RAB41: variants seen among roughly 807,000 people sequenced by gnomAD.
The protein encoded by RAB41 is ras-related protein Rab-41.
RAB41 carries 15 observed loss-of-function variants against 19.0 expected under a neutral mutation model. The ratio of observed to expected loss-of-function variants is 0.79; its 90% CI spans 0.53 to 1.21. The LOEUF is 1.21. Among genes scored for constraint, RAB41 ranks in the 50% most tolerant of loss-of-function variants. The probability of loss-of-function intolerance (pLI) is 0.00; values close to 1 mark genes in which losing one functional copy is unlikely to be tolerated. For missense variants in RAB41, 177 were observed against 179.7 expected (o/e 0.99, Z 0.09); for synonymous variants, 73 against 64.7 (o/e 1.13, Z -0.62).
chrX:70,283,758 G>C, intron 5 of RAB41, 134 bp downstream of exon 5: 1 of 548,754 alleles, frequency 1.8e-6, no homozygotes, highest in Non-Finnish European at 3.1e-6. Flanking sequence ...AGGATGGGAA[G>C]GACAGGGGGG....
chrX:70,282,464 G>A (rs2085692853), intron 1 of RAB41, 69 bp from the exon 2 acceptor site: 2 of 1,166,727 alleles, frequency 1.7e-6, no homozygotes, highest in Non-Finnish European at 2.3e-6. Context: ...GAGGAGGGAG[G>A]GCTCATAGAA....
intron 7 of RAB41, 106 bp from the exon 8 acceptor site, chrX:70,284,482 T>C (rs113130176): frequency 8.9e-5 from 84 of 940,944 alleles, no homozygotes; most frequent in Admixed American, 3.4e-4. Flanking sequence ...GTGAGAGGGA[T>C]TGTAAGATCA....
rs2147647011 is a variant in RAB41, at chrX:70,283,265, C to G, written c.238-3C>G. The G allele has an allele frequency of 4.2e-6, 5 of 1,200,777 alleles. No individual in the cohort carries two copies. In the South Asian group the frequency reaches 9.0e-5, roughly 22 times the overall value. ...CATCTTCTTCCTAAACATTTTTATG[C>G]AGGTTCAGCTGCAGCTATGGGACAC... On this transcript the variant is annotated splice_polypyrimidine_tract_variant and splice_region_variant and intron_variant, in intron 3 of 7. Transcript: ENST00000374473.
Position 70,284,630 on chromosome X carries a change from G to T in RAB41, c.656G>T (p.Arg219Ile). Reference protein sequence around the residue: ...ELESFEESGNRSYC With the variant: ...ELESFEESGNISYC The stretch of plus-strand genomic sequence containing the variant: ...GAATCCTTCGAGGAGTCAGGCAACA[G>T]AAGCTATTGTTGACAGCTTAGGCTT... Residue 219 changes from arginine (R) to isoleucine (I), a missense_variant, in exon 8 of 8, where the codon AGA becomes ATA. Arg to Ile is a moderately conservative substitution (Grantham distance 97). Transcript: ENST00000374473. The T allele has an allele frequency of 2.5e-6, 3 of 1,207,788 alleles. No individual in the cohort carries two copies. Among genetic ancestry groups the T allele is most frequent in the Non-Finnish European group, 3.4e-6 (3 of 891,832 alleles).
rs1281843833 is a variant in RAB41, at chrX:70,282,837, G to A, written c.219G>A (p.Met73Ile). 1.2e-5 allele frequency: 14 copies of A among 1,206,399 alleles called. No homozygotes were observed. The highest frequency in any genetic ancestry group is 1.7e-5 in the African/African-American group (1 of 57,150). Reference sequence around the variant, plus strand: ...GAATTGACTTCTTGTCTAAGACCATGTACTTGGAGGACCAAATAGTGAGTG... The same window carrying A: ...GAATTGACTTCTTGTCTAAGACCATATACTTGGAGGACCAAATAGTGAGTG... The part of the protein sequence containing the change: ...TVGIDFLSKT[M>I]YLEDQIVQLQ... Residue 73 changes from methionine to isoleucine, a missense_variant, in exon 3 of 8, where the codon ATG becomes ATA. Met to Ile is a conservative substitution (Grantham distance 10). Transcript: ENST00000374473.
At position 70,284,264 on chromosome X, in the gene RAB41, A is replaced by G; in HGVS notation, c.550-2A>G. On this transcript the variant is annotated splice_acceptor_variant, in intron 6 of 7. Transcript: ENST00000374473. LOFTEE classifies it high-confidence loss of function. ...TTGGTCCCCATTCACACACACACAC[A>G]GCTGTTCCGGCGTGTGGCTTCTGCC... 3 of 1,203,014 alleles carry G rather than the reference A, an allele frequency of 2.5e-6. No homozygotes were observed. Among genetic ancestry groups the G allele is most frequent in the Non-Finnish European group, 3.4e-6 (3 of 892,601 alleles).
chrX:70,282,756 T>C (rs748169247), intron 2 of RAB41, 46 bp from the exon 3 acceptor site: 2 of 1,181,726 alleles, frequency 1.7e-6, no homozygotes, highest in Admixed American at 2.2e-5. Flanking sequence ...CTGCCTCATA[T>C]TGGGAATAGA....
rs768445892 is a variant in RAB41 at position 70,283,462 on chromosome X, C to T, written c.344-51C>T. ...AAAATTAGCAGAGAGGAAGTGTTCT[C>T]TCCAAATCTCTCCTAAATGTTTCAA... On this transcript the variant is annotated intron_variant, in intron 4 of 7. Coordinates refer to ENST00000374473, the MANE Select transcript of RAB41 (RefSeq NM_001363807.1). The T allele has an allele frequency of 8.2e-6, 9 of 1,098,989 alleles. No individual in the cohort carries two copies. The South Asian group carries it at 1.5e-4, about 18-fold the overall frequency. 90.6% of individuals were successfully genotyped at this position (1,098,989 alleles called of 1,213,427 possible).
chrX:70,282,961 C>A, intron 3 of RAB41, 106 bp downstream of exon 3: 1 of 649,176 alleles, frequency 1.5e-6, no homozygotes, highest in African/African-American at 2.1e-5. Flanking sequence ...TTCAAATTAC[C>A]AAGCCCTATG....
intron 5 of RAB41, 117 bp downstream of exon 5, chrX:70,283,741 G>C: frequency 1.7e-6 from 1 of 574,830 alleles, no homozygotes. Flanking sequence ...CCCCCTACCA[G>C]CACTGCAGGA....
chrX:70,283,384 T>C lies in RAB41; in HGVS notation c.343+11T>C. The C allele has an allele frequency of 1.7e-6, 2 of 1,164,803 alleles. No individual in the cohort carries two copies. The highest frequency in any genetic ancestry group is 2.3e-6 in the Non-Finnish European group (2 of 853,042). On this transcript the variant is annotated intron_variant, in intron 4 of 7. Coordinates refer to ENST00000374473, the MANE Select transcript of RAB41 (RefSeq NM_001363807.1). ...TCTATGACATTACAAGTGGGTGTTA[T>C]GCAATGTTTTATTTGAAAAGGGGAT...
intron 3 of RAB41, 50 bp from the exon 4 acceptor site, chrX:70,283,218 A>T: frequency 9.8e-7 from 1 of 1,024,965 alleles, no homozygotes; most frequent in South Asian, 2.0e-5. Flanking sequence ...TAAAAAGGCT[A>T]GTTTCTTGTC....
chrX:70,284,713 C>A lies in RAB41; in HGVS notation c.*70C>A. ...GGGCTTGCCATACCAGTTCTCCTCCCCACCTCGTTTTATGATACATGGCCA... is the reference window on the plus strand; with the variant it reads ...GGGCTTGCCATACCAGTTCTCCTCCACACCTCGTTTTATGATACATGGCCA... On this transcript the variant is annotated 3_prime_UTR_variant, in exon 8 of 8. Coordinates refer to ENST00000374473, the MANE Select transcript of RAB41 (RefSeq NM_001363807.1). 1.1e-6 allele frequency: 1 copy of A among 887,040 alleles called. No individual in the cohort carries two copies. The highest frequency in any genetic ancestry group is 1.7e-6 in the Non-Finnish European group (1 of 602,712). 73.1% of individuals were successfully genotyped at this position (887,040 alleles called of 1,213,427 possible).
intron 3 of RAB41, 32 bp from the exon 4 acceptor site, chrX:70,283,236 C>A: frequency 4.5e-6 from 5 of 1,121,849 alleles, no homozygotes; most frequent in Non-Finnish European, 4.9e-6. Flanking sequence ...GTCTACCTTT[C>A]CCCCATCTTC....
intron 2 of RAB41, 94 bp downstream of exon 2, chrX:70,282,685 C>A: frequency 9.2e-7 from 1 of 1,090,665 alleles, no homozygotes; most frequent in Non-Finnish European, 1.3e-6. Context: ...GTATTGTAAG[C>A]ATTGGGAAGT....
In RAB41 at chrX:70,282,869, C is replaced by T. The variant is rs2085696420; in HGVS notation, c.237+14C>T. 1 of 1,177,277 alleles carries T rather than the reference C, an allele frequency of 8.5e-7. No homozygotes were observed. Among genetic ancestry groups the T allele is most frequent in the Non-Finnish European group, 1.2e-6 (1 of 863,948 alleles). ...GAGGACCAAATAGTGAGTGTTAACT[C>T]TCATACCACTAACCCTACACTTCAA... On this transcript the variant is annotated intron_variant, in intron 3 of 7. Coordinates refer to ENST00000374473, the MANE Select transcript of RAB41 (RefSeq NM_001363807.1).
chrX:70,282,754 T>C (rs779128499), intron 2 of RAB41, 48 bp from the exon 3 acceptor site: 2 of 1,170,061 alleles, frequency 1.7e-6, no homozygotes, highest in East Asian at 5.9e-5. Flanking sequence ...GACTGCCTCA[T>C]ATTGGGAATA....
intron 6 of RAB41, 52 bp from the exon 7 acceptor site, chrX:70,284,214 T>C: frequency 1.6e-6 from 1 of 611,584 alleles, no homozygotes; most frequent in Non-Finnish European, 2.3e-6. Flanking sequence ...GAACCTGACC[T>C]TTTTTTTTTC....
intron 6 of RAB41, 43 bp from the exon 7 acceptor site, chrX:70,284,223 T>TC (rs758663692): frequency 8.5e-5 from 83 of 976,102 alleles, no homozygotes; most frequent in South Asian, 1.4e-4. Context: ...CTTTTTTTTT[T>TC]CCCCTTTTTT....
Sources: gnomAD v4.1 joint callset for allele counts on GRCh38, gnomAD v4.1.1 for gene constraint, MANE v1.5 for transcripts, NCBI Gene and HGNC (gene_info 2026-07-23, HGNC 2026-07-21) for gene names.